The following DNAH5 variants were observed in gnomAD, a reference collection of about 807,000 sequenced individuals.
DNAH5 encodes the protein dynein axonemal heavy chain 5.
A neutral mutation model predicts 518.2 loss-of-function variants in DNAH5; 372 were observed. The observed-to-expected ratio is 0.72, with a 90% CI of 0.66 to 0.78. The LOEUF is 0.78. Ranked by LOEUF, DNAH5 falls within the 30% of genes least tolerant of loss-of-function variation. The probability of loss-of-function intolerance (pLI) is 0.00; values close to 1 mark genes in which losing one functional copy is unlikely to be tolerated. For synonymous variants in DNAH5, 2,039 were observed against 2,025.9 expected, an observed-to-expected ratio of 1.01 and a Z score of -0.17; for missense variants, 5,523 against 5,687.0, an observed-to-expected ratio of 0.97 and a Z score of 0.93.
chr5:13,695,985 G>C (rs1387863514), intron 78 of DNAH5, among the ~76,000 whole-genome samples: 1 of 152,148 alleles, frequency 6.6e-6, no homozygotes, highest in Non-Finnish European at 1.5e-5. Context: ...CAAGCTGACA[G>C]TGGATTAAAT....
chr5:13,945,885 T>C (rs575884740), upstream of DNAH5, among the ~76,000 whole-genome samples: 1 of 152,200 alleles, frequency 6.6e-6, no homozygotes, highest in Non-Finnish European at 1.5e-5. Flanking sequence ...ATTATACGCA[T>C]GAGCCACCAG....
rs762874180 is a variant in DNAH5, at chr5:13,902,100, C to G, written c.1683G>C (p.Lys561Asn). The G allele has an allele frequency of 1.1e-5, 18 of 1,609,694 alleles. No homozygotes were observed. Among genetic ancestry groups the G allele is most frequent in the Non-Finnish European group, 1.4e-5 (16 of 1,177,564 alleles). Reference protein sequence around the residue: ...LRKFMDVTFAKIQNTNQALRM... With the variant: ...LRKFMDVTFANIQNTNQALRM... ...TTAGAGCTTGATTTGTGTTTTGAATCTTTGCAAATGTAACATCCATGAACT... is the reference window on the plus strand; with the variant it reads ...TTAGAGCTTGATTTGTGTTTTGAATGTTTGCAAATGTAACATCCATGAACT... Residue 561 changes from lysine to asparagine, a missense_variant, in exon 13 of 79, where the codon AAG becomes AAC. By Grantham distance (94) the Lys-to-Asn change is moderately conservative. Transcript: ENST00000265104.
chr5:14,007,551 T>G (rs1784803388), intron 1 of DNAH5, among the ~76,000 whole-genome samples: 1 of 152,190 alleles, frequency 6.6e-6, no homozygotes, highest in Non-Finnish European at 1.5e-5. Flanking sequence ...TGATCATAAT[T>G]CTATTACCCC....
Position 13,807,729 on chromosome 5 carries a change from A to T in DNAH5, c.7753-4T>A. 1 of 1,601,446 alleles carries T rather than the reference A, an allele frequency of 6.2e-7. No individual in the cohort carries two copies. The highest frequency in any genetic ancestry group is 8.5e-7 in the Non-Finnish European group (1 of 1,172,044). ...GTTCACCAATTAATAGCACAGCCTA[A>T]AATAGAGGGAATTGAAAAAAAAAGA... On this transcript the variant is annotated splice_polypyrimidine_tract_variant and splice_region_variant and intron_variant, in intron 46 of 78. Transcript: ENST00000265104.
intron 54 of DNAH5, 28 bp from the exon 55 acceptor site, chr5:13,776,734 T>G: frequency 1.2e-6 from 2 of 1,611,990 alleles, no homozygotes; most frequent in Non-Finnish European, 8.5e-7. Flanking sequence ...GCATGCAAAT[T>G]CAGTACACAC....
chr5:14,006,019 C>T lies in DNAH5; in HGVS notation c.12+5629G>A, dbSNP rs997956151. On this transcript the variant is annotated intron_variant, in intron 1 of 78. Transcript: ENST00000681290. ...CTGCAGCCCCCTGTTCCAAACCCAC[C>T]CCCCTTGCAGACCCACACCTTTTGT... 2.6e-5 allele frequency among the ~76,000 whole-genome samples: 4 copies of T among 151,606 alleles called. No homozygotes were observed. In the South Asian group the frequency reaches 8.4e-4, roughly 32 times the overall value.
At chr5:13,716,409 T>C (rs1162499818) in intron 74 of DNAH5, 78 bp downstream of exon 74, 3 of 974,698 alleles carry the variant, frequency 3.1e-6, no homozygotes, top group South Asian at 1.3e-5. Context: ...AAAAGCAATA[T>C]AGACAGTGTA....
rs146810572 is a variant in DNAH5 at position 13,739,099 on chromosome 5, G to A, written c.11212-1604C>T. Among the ~76,000 whole-genome samples, 382 of 152,206 alleles carry A rather than the reference G, an allele frequency of 2.5e-3. 2 individuals carry two copies. The South Asian group carries it at 0.028, about 11-fold the overall frequency. On this transcript the variant is annotated intron_variant, in intron 65 of 78. Coordinates refer to ENST00000265104, the MANE Select transcript of DNAH5 (RefSeq NM_001369.3). Reference sequence around the variant, plus strand: ...CTGGACTCACGGCAGCTACCTGAACGTATGGTACCAAGCTCACATCTCTAG... The same window carrying A: ...CTGGACTCACGGCAGCTACCTGAACATATGGTACCAAGCTCACATCTCTAG...
intron 68 of DNAH5, among the ~76,000 whole-genome samples, chr5:13,731,440 G>A (rs958539677): frequency 1.3e-5 from 2 of 152,082 alleles, no homozygotes; most frequent in African/African-American, 4.8e-5. Flanking sequence ...TCATTGTTTA[G>A]TAGCCGGTAA....
In DNAH5 at chr5:13,708,471, A is replaced by T. The variant is rs564583580; in HGVS notation, c.13126-136T>A. 4.4e-5 allele frequency: 34 copies of T among 780,720 alleles called. 1 individual carries two copies. The South Asian group carries it at 4.6e-4, about 11-fold the overall frequency. 48.4% of individuals were successfully genotyped at this position (780,720 alleles called of 1,614,324 possible). Reference sequence around the variant, plus strand: ...ATAAGCTTCTAATTTATTGCATGGCAAAAAGAAAAAAAAAAAGAAAAGAAA... The same window carrying T: ...ATAAGCTTCTAATTTATTGCATGGCTAAAAGAAAAAAAAAAAGAAAAGAAA... On this transcript the variant is annotated intron_variant, in intron 75 of 78. Transcript: ENST00000265104.
chr5:13,873,622 C>A (rs1770451430), intron 22 of DNAH5, among the ~76,000 whole-genome samples: 3 of 151,926 alleles, frequency 2.0e-5, no homozygotes, highest in African/African-American at 7.3e-5. Context: ...GTATCATCTA[C>A]AAATAATTAA....
Position 13,810,065 on chromosome 5 carries a change from G to A in DNAH5, c.7603C>T (p.Pro2535Ser). The stretch of plus-strand genomic sequence containing the variant: ...GACGGGCAGGTGTCCTCACCATCGG[G>A]CGCCACATAGTAGTCGAAGGCGGTG... ...GDTAFDYYVA[P>S]DGTWTHWNTR... The change falls in exon 45 of 79, where the codon CCC (proline) becomes TCC (serine). Residue 2535 changes from proline (P) to serine (S), a missense_variant. Physicochemically the swap from Pro to Ser is moderately conservative, Grantham distance 74. Around this residue, in one of 3 missense-constraint regions of DNAH5, gnomAD observed 5,121 missense variants for 5,223.3 expected, o/e 0.98. Transcript: ENST00000265104. 2 of 1,552,126 alleles carry A rather than the reference G, an allele frequency of 1.3e-6. No homozygotes were observed. Among genetic ancestry groups the A allele is most frequent in the Non-Finnish European group, 8.7e-7 (1 of 1,148,202 alleles).
At chr5:13,969,271 T>C (rs1781728084) in intron 1 of DNAH5, among the ~76,000 whole-genome samples, 1 of 152,168 alleles carries the variant, frequency 6.6e-6, no homozygotes, top group Non-Finnish European at 1.5e-5. Context: ...AGAACCAGCT[T>C]TTTGTTTCAT....
chr5:13,823,085 G>A (rs1221551807), intron 40 of DNAH5, among the ~76,000 whole-genome samples, 178 bp downstream of exon 40: 2 of 152,230 alleles, frequency 1.3e-5, no homozygotes, highest in Non-Finnish European at 2.9e-5. Context: ...GAGACCCAGG[G>A]CAAGGGGAGT....
Position 13,700,706 on chromosome 5 carries a change from T to C in DNAH5, c.13657A>G (p.Ile4553Val). The part of the protein sequence containing the change: ...AGWDKRNMKL[I>V]ESKPKVLFEL... ...AAGAGCACTTTTGGCTTTGATTCAA[T>C]GAGTTTCATGTTCCTCTTGTCCCAG... The change falls in exon 78 of 79, where the codon ATT (isoleucine) becomes GTT (valine). Residue 4553 changes from isoleucine (I) to valine (V), a missense_variant. Around this residue, in one of 3 missense-constraint regions of DNAH5, gnomAD observed 387 missense variants for 430.0 expected, o/e 0.90. Transcript: ENST00000265104. The C allele has an allele frequency of 6.2e-7, 1 of 1,614,200 alleles. No individual in the cohort carries two copies. Among genetic ancestry groups the C allele is most frequent in the Non-Finnish European group, 8.5e-7 (1 of 1,180,012 alleles).
rs111244475 is a variant in DNAH5 at position 13,859,190 on chromosome 5, G to A, written c.4950+262C>T. ...ATCTAAAGAAGCATATCAATTATGC[G>A]ACCACTTATTTTTTGTTTTTTTAAC... On this transcript the variant is annotated intron_variant, in intron 30 of 78. Transcript: ENST00000265104. Among the ~76,000 whole-genome samples the A allele has an allele frequency of 3.6e-3, 549 of 152,062 alleles. 4 individuals carry two copies. Among genetic ancestry groups the A allele is most frequent in the African/African-American group, 0.013 (528 of 41,486 alleles).
chr5:14,002,378 G>T (rs895929539), intron 1 of DNAH5, among the ~76,000 whole-genome samples: 2 of 151,822 alleles, frequency 1.3e-5, no homozygotes, highest in East Asian at 1.9e-4. Context: ...TTTTTCTAAG[G>T]TTAAAAATTA....
At chr5:13,797,501 G>T (rs910488711) in intron 47 of DNAH5, among the ~76,000 whole-genome samples, 4 of 152,116 alleles carry the variant, frequency 2.6e-5, no homozygotes, top group African/African-American at 9.7e-5. Flanking sequence ...AAACCACAAT[G>T]AGATACCATC....
At chr5:13,905,008 G>A (rs1037140428) in intron 12 of DNAH5, among the ~76,000 whole-genome samples, 7 of 152,112 alleles carry the variant, frequency 4.6e-5, no homozygotes, top group African/African-American at 9.7e-5. Flanking sequence ...AAAGAAAGTC[G>A]AAGTAGCAAT....
Sources: gnomAD v4.1 joint callset for allele counts (sites outside exome capture counted in the v4.1 genomes callset) on GRCh38, gnomAD v4.1.1 for gene constraint, gnomAD v4.1.1 regional missense constraint, MANE v1.5 for transcripts, NCBI Gene and HGNC (gene_info 2026-07-23, HGNC 2026-07-21) for gene names.